Variants in NBEAL2 observed in about 807,000 individuals in gnomAD.
The protein encoded by NBEAL2 is neurobeachin like 2, also known as neurobeachin-like protein 2.
In NBEAL2, 160 loss-of-function variants were observed where a neutral mutation model predicts 299.8. The ratio of observed to expected loss-of-function variants is 0.53; its 90% confidence interval spans 0.47 to 0.61. The LOEUF is 0.61. NBEAL2 is among the 20% of genes least tolerant of loss of function. NBEAL2 has a pLI of 0.00. For missense variants in NBEAL2, 3,112 were observed against 3,649.0 expected (o/e 0.85, Z 3.79); for synonymous variants, 1,493 against 1,542.3 (o/e 0.97, Z 0.75).
In NBEAL2 at chr3:47,004,044, A is replaced by T; in HGVS notation, c.5882-33A>T. The stretch of plus-strand genomic sequence containing the variant: ...CTGAGCTCTGGGTGGGGCTGGGGTG[A>T]GTGACTCCCGTACCTGCTGTTCCTC... On this transcript the variant is annotated intron_variant, in intron 36 of 53. Coordinates refer to ENST00000450053, the MANE Select transcript of NBEAL2 (RefSeq NM_015175.3). The surrounding 1 kb of genome is among the most constrained non-coding windows in gnomAD (Gnocchi z 5.0). 6.2e-7 allele frequency: 1 copy of T among 1,605,546 alleles called. No individual in the cohort carries two copies. The highest frequency in any genetic ancestry group is 8.5e-7 in the Non-Finnish European group (1 of 1,174,062).
In NBEAL2 at chr3:47,009,106, C is replaced by T; in HGVS notation, c.8145C>T (p.Val2715=). 6.6e-7 allele frequency: 1 copy of T among 1,506,866 alleles called. No individual in the cohort carries two copies. The highest frequency in any genetic ancestry group is 1.4e-5 in the African/African-American group (1 of 71,448). The allele number at this position is 1,506,866 out of a possible 1,614,324, so 93.3% of individuals were successfully genotyped here. A position where few individuals can be genotyped will look rare whatever the true frequency, so the allele number is the denominator to read the frequency against. ...AGGATGGCAAGCTCATCGTGGTGGTCGCGGGGCAGCCCTCTGAGGTGAGGA... is the reference window on the plus strand; with the variant it reads ...AGGATGGCAAGCTCATCGTGGTGGTTGCGGGGCAGCCCTCTGAGGTGAGGA... ...GLEDGKLIVV[V]AGQPSEVRSS... Residue 2715 remains valine (V), a synonymous_variant, in exon 53 of 54, where the codon GTC becomes GTT. Transcript: ENST00000450053.
Position 46,996,372 on chromosome 3 carries a change from C to G in NBEAL2, c.2253C>G (p.His751Gln). 2 of 1,612,520 alleles carry G rather than the reference C, an allele frequency of 1.2e-6. No homozygotes were observed. Among genetic ancestry groups the G allele is most frequent in the Non-Finnish European group, 1.7e-6 (2 of 1,179,796 alleles). ...TCCCCGCCACCCTGGCCTACACTCA[C>G]CCCGCCCTCACCCGCTCCCAGTCAG... ...PPVPATLAYT[H>Q]PALTRSQSVP... is the part of the protein sequence containing the mutation. The change falls in exon 16 of 54, where the codon CAC (histidine) becomes CAG (glutamine). Residue 751 changes from histidine to glutamine, a missense_variant. This residue lies in a region of NBEAL2 where 2,243 missense variants were observed against 2,538.1 expected (regional missense o/e 0.88). Transcript: ENST00000450053.
chr3:46,984,288 C>A (rs1202590759), intron 1 of NBEAL2, among the ~76,000 whole-genome samples: 1 of 151,898 alleles, frequency 6.6e-6, no homozygotes, highest in Non-Finnish European at 1.5e-5. Flanking sequence ...CCTGGGCCGG[C>A]GACAGAGCGA....
chr3:47,005,803 G>A lies in NBEAL2; in HGVS notation c.6757G>A (p.Ala2253Thr). Residue 2253 changes from alanine to threonine, a missense_variant, in exon 42 of 54, where the codon GCC becomes ACC. Transcript: ENST00000450053. Reference protein sequence around the residue: ...KVGDVVLPPWASSPEDFIQQH... With the variant: ...KVGDVVLPPWTSSPEDFIQQH... ...AGGCGATGTGGTGCTACCCCCGTGGGCCAGCTCTCCTGAGGACTTCATCCA... is the reference window on the plus strand; with the variant it reads ...AGGCGATGTGGTGCTACCCCCGTGGACCAGCTCTCCTGAGGACTTCATCCA... 1 of 1,613,388 alleles carries A rather than the reference G, an allele frequency of 6.2e-7. No homozygotes were observed. Among genetic ancestry groups the A allele is most frequent in the Non-Finnish European group, 8.5e-7 (1 of 1,179,866 alleles).
At chr3:46,983,546 G>A (rs2035495401) in intron 1 of NBEAL2, among the ~76,000 whole-genome samples, 1 of 152,076 alleles carries the variant, frequency 6.6e-6, no homozygotes, top group Non-Finnish European at 1.5e-5. Context: ...CTGACCTTGT[G>A]ATCTGCCCGC....
chr3:46,999,155 ACT>A, intron 24 of NBEAL2, 38 bp downstream of exon 24: 1 of 1,549,750 alleles, frequency 6.5e-7, no homozygotes, highest in Admixed American at 1.9e-5. Context: ...CATCCCATTC[ACT>A]GGGGCCCCTG....
At position 46,997,415 on chromosome 3, in the gene NBEAL2, C is replaced by T; in HGVS notation, c.2806C>T (p.Pro936Ser). 1 of 1,610,090 alleles carries T rather than the reference C, an allele frequency of 6.2e-7. No homozygotes were observed. Among genetic ancestry groups the T allele is most frequent in the Non-Finnish European group, 8.5e-7 (1 of 1,178,434 alleles). ...SGHNTQGLVL[P>S]LGKSSEERME... ...TCACAACACCCAGGGCCTGGTTCTC[C>T]CATTGGGTAAATCTTCAGGTAAGTG... Residue 936 changes from proline (P) to serine (S), a missense_variant, in exon 19 of 54, where the codon CCA becomes TCA. Coordinates refer to ENST00000450053, the MANE Select transcript of NBEAL2 (RefSeq NM_015175.3).
chr3:47,000,252 C>T lies in NBEAL2; in HGVS notation c.4153C>T (p.Gln1385Ter). The change falls in exon 27 of 54, where the codon CAG becomes TAG. Residue 1385 changes from glutamine to a stop codon, truncating the protein, a stop_gained. Transcript: ENST00000450053. LOFTEE classifies it high-confidence loss of function. The surrounding 1 kb of genome is among the most constrained non-coding windows in gnomAD (Gnocchi z 4.5). The part of the protein sequence containing the change: ...GSSGTLTPAS[Q>*]PGTPSPLDGP... ...CAGTGGGACTCTTACTCCAGCCAGCCAGCCCGGCACTCCTTCGCCACTGGA... is the reference window on the plus strand; with the variant it reads ...CAGTGGGACTCTTACTCCAGCCAGCTAGCCCGGCACTCCTTCGCCACTGGA... 2 of 1,613,258 alleles carry T rather than the reference C, an allele frequency of 1.2e-6. No homozygotes were observed. Among genetic ancestry groups the T allele is most frequent in the Non-Finnish European group, 1.7e-6 (2 of 1,179,880 alleles).
In NBEAL2 at chr3:46,999,037, G is replaced by A; in HGVS notation, c.3463G>A (p.Glu1155Lys). The A allele has an allele frequency of 6.2e-7, 1 of 1,601,394 alleles. No individual in the cohort carries two copies. Among genetic ancestry groups the A allele is most frequent in the Non-Finnish European group, 8.5e-7 (1 of 1,174,382 alleles). The change falls in exon 24 of 54, where the codon GAG becomes AAG. Residue 1155 changes from glutamate to lysine, a missense_variant. Physicochemically the swap from Glu to Lys is moderately conservative, Grantham distance 56. Around this residue, in one of 3 missense-constraint regions of NBEAL2, gnomAD observed 2,243 missense variants for 2,538.1 expected, o/e 0.88. Transcript: ENST00000450053. ...VQESLAVFLL[E>K]PGNLEVLLAL... ...GGAGTCCTTGGCTGTCTTTCTGTTGGAGCCAGGGAACCTCGAAGTGCTACT... is the reference window on the plus strand; with the variant it reads ...GGAGTCCTTGGCTGTCTTTCTGTTGAAGCCAGGGAACCTCGAAGTGCTACT...
chr3:47,006,311 C>T, intron 44 of NBEAL2, 22 bp from the exon 45 acceptor site: 1 of 1,600,738 alleles, frequency 6.2e-7, no homozygotes, highest in Non-Finnish European at 8.5e-7. Flanking sequence ...TGCCATGGTG[C>T]TGACCAGCCA....
chr3:47,005,872 G>A (rs778481785), intron 42 of NBEAL2, 25 bp downstream of exon 42: 32 of 1,612,620 alleles, frequency 2.0e-5, no homozygotes, highest in East Asian at 1.6e-4. Flanking sequence ...ACAGGCAAAC[G>A]GCAGGCAGCC....
chr3:46,991,341 C>G lies in NBEAL2; in HGVS notation c.642+37C>G. ...GGTGAGCCTGTGGACTAGAGAGCAG[C>G]TCTTTCAGTATCTCTCTGCTGGGTG... On this transcript the variant is annotated intron_variant, in intron 7 of 53. Transcript: ENST00000450053. This position sits in a 1 kb window ranked among gnomAD's most constrained non-coding sequence, Gnocchi z 6.2. The G allele has an allele frequency of 8.2e-6, 13 of 1,586,040 alleles. No individual in the cohort carries two copies. The highest frequency in any genetic ancestry group is 1.1e-5 in the Non-Finnish European group (13 of 1,165,618).
In NBEAL2 at chr3:47,003,068, C is replaced by G. The variant is rs373431273; in HGVS notation, c.5571C>G (p.Leu1857=). ...ACCCTCACCTGGAAGCCAGCGCTCT[C>G]CGAGACAATCTGGGTGAGGGAGTGT... The part of the protein sequence containing the change: ...HFDPHLEASA[L]RDNLGEVPLT... The change falls in exon 34 of 54, where the codon CTC becomes CTG. Residue 1857 remains leucine (L), a synonymous_variant. Transcript: ENST00000450053. This position sits in a 1 kb window ranked among gnomAD's most constrained non-coding sequence, Gnocchi z 7.0. 1.2e-6 allele frequency: 2 copies of G among 1,612,296 alleles called. No homozygotes were observed. The highest frequency in any genetic ancestry group is 2.2e-5 in the South Asian group (2 of 90,864).
Position 46,989,326 on chromosome 3 carries a change from C to T in NBEAL2, c.418C>T (p.Leu140Phe). Residue 140 changes from leucine to phenylalanine, a missense_variant, in exon 5 of 54, where the codon CTT becomes TTT. Coordinates refer to ENST00000450053, the MANE Select transcript of NBEAL2 (RefSeq NM_015175.3). The surrounding 1 kb of genome is among the most constrained non-coding windows in gnomAD (Gnocchi z 5.5). ...QLENVALHAL[L>F]LCEGLFDPYQ... ...GGAGAATGTGGCCCTACATGCTCTGCTTCTCTGCGAGGGCCTCTTTGACCC... is the reference window on the plus strand; with the variant it reads ...GGAGAATGTGGCCCTACATGCTCTGTTTCTCTGCGAGGGCCTCTTTGACCC... 6.3e-7 allele frequency: 1 copy of T among 1,596,490 alleles called. No individual in the cohort carries two copies. The highest frequency in any genetic ancestry group is 8.5e-7 in the Non-Finnish European group (1 of 1,171,584).
chr3:47,000,930 G>T lies in NBEAL2; in HGVS notation c.4306-71G>T, dbSNP rs568220202. The T allele has an allele frequency of 4.7e-5, 72 of 1,543,096 alleles. No homozygotes were observed. In the South Asian group the frequency reaches 8.4e-4, roughly 18 times the overall value. ...CAGGAGGGGTGCTGAGTGGGGATGG[G>T]TGGGCGTCAGCCTGATTCCCTCCCT... On this transcript the variant is annotated intron_variant, in intron 27 of 53. Transcript: ENST00000450053. The surrounding 1 kb of genome is among the most constrained non-coding windows in gnomAD (Gnocchi z 4.5).
In NBEAL2 at chr3:46,999,661, G is replaced by A. The variant is rs574332674; in HGVS notation, c.3735G>A (p.Val1245=). The A allele has an allele frequency of 3.1e-6, 5 of 1,613,408 alleles. No individual in the cohort carries two copies. The African/African-American group carries it at 6.7e-5, about 22-fold the overall frequency. ...DCLNLSDLLA[V]VQLSLQADLS... ...TGAACCTCTCAGATCTGCTGGCTGT[G>A]GTACAGCTGTCCCTCCAGGCTGACC... The change falls in exon 26 of 54, where the codon GTG becomes GTA. Residue 1245 remains valine, a synonymous_variant. Transcript: ENST00000450053.
In NBEAL2 at chr3:46,988,239, C is replaced by G. The variant is rs927965327; in HGVS notation, c.52-430C>G. ...TGGCTGCTGGGCTGGGTGAAGATGG[C>G]AGATGAGGACCCAGCCCAAGGCTCT... is the stretch of plus-strand genomic sequence containing the variant. On this transcript the variant is annotated intron_variant, in intron 1 of 53. Transcript: ENST00000450053. The surrounding 1 kb of genome is among the most constrained non-coding windows in gnomAD (Gnocchi z 4.4). 6.6e-6 allele frequency among the ~76,000 whole-genome samples: 1 copy of G among 152,184 alleles called. No individual in the cohort carries two copies. The highest frequency in any genetic ancestry group is 1.5e-5 in the Non-Finnish European group (1 of 68,030).
Position 46,997,652 on chromosome 3 carries a change from G to A in NBEAL2, c.2916G>A (p.Val972=). The change falls in exon 20 of 54, where the codon GTG becomes GTA. Residue 972 remains valine, a synonymous_variant. Transcript: ENST00000450053. ...QGHMVNQESL[V]QCQGPAIIGA... is the part of the protein sequence containing the mutation. ...ACATGGTGAACCAAGAGAGCCTGGT[G>A]CAGTGCCAGGGGCCTGCCATCATCG... The A allele has an allele frequency of 6.3e-7, 1 of 1,582,822 alleles. No individual in the cohort carries two copies. Among genetic ancestry groups the A allele is most frequent in the Non-Finnish European group, 8.6e-7 (1 of 1,160,084 alleles).
chr3:47,009,336 C>T lies in NBEAL2; in HGVS notation c.*16C>T, dbSNP rs1206660976. Reference sequence around the variant, plus strand: ...GGCGCGCTGAACCTGGCCAGTCCGGCTGCTCGGGCCCCGCCCCCGGCAGGC... The same window carrying T: ...GGCGCGCTGAACCTGGCCAGTCCGGTTGCTCGGGCCCCGCCCCCGGCAGGC... On this transcript the variant is annotated 3_prime_UTR_variant, in exon 54 of 54. Transcript: ENST00000450053. 13 of 1,569,516 alleles carry T rather than the reference C, an allele frequency of 8.3e-6. No homozygotes were observed. Among genetic ancestry groups the T allele is most frequent in the Non-Finnish European group, 1.1e-5 (13 of 1,157,466 alleles).
Sources: allele counts gnomAD v4.1 joint callset (sites outside exome capture counted in the v4.1 genomes callset), GRCh38; gene constraint gnomAD v4.1.1; regional missense constraint gnomAD v4.1.1; non-coding constraint Gnocchi (gnomAD v3.1); transcripts MANE v1.5; gene names NCBI Gene and HGNC (gene_info 2026-07-23, HGNC 2026-07-21).